Variants in KCNAB1 observed in about 807,000 individuals in gnomAD.
The protein encoded by KCNAB1 is potassium voltage-gated channel subfamily A regulatory beta subunit 1.
A neutral mutation model predicts 64.6 loss-of-function variants in KCNAB1; 35 were observed. The observed-to-expected ratio is 0.54, with a 90% confidence interval of 0.41 to 0.72. The LOEUF (loss-of-function observed/expected upper bound fraction) is 0.72, where lower values mean the gene tolerates loss of function less well. KCNAB1 is among the 30% of genes least tolerant of loss of function. The pLI is 0.00. For missense variants in KCNAB1, 401 were observed against 512.9 expected (o/e 0.78, Z 2.11); for synonymous variants, 177 against 183.8 (o/e 0.96, Z 0.30).
chr3:156,515,882 A>G (rs1166171955), intron 10 of KCNAB1, among the ~76,000 whole-genome samples: 1 of 152,206 alleles, frequency 6.6e-6, no homozygotes, highest in South Asian at 2.1e-4. Flanking sequence ...AAACTTCAAT[A>G]ACAACCGTAA....
chr3:156,406,597 C>A (rs1714264428), intron 1 of KCNAB1, among the ~76,000 whole-genome samples: 2 of 152,164 alleles, frequency 1.3e-5, no homozygotes, highest in Non-Finnish European at 2.9e-5. Flanking sequence ...TCCAGAGAAT[C>A]CTAGTGATGG....
chr3:156,309,355 G>A (rs1440000701), intron 1 of KCNAB1, among the ~76,000 whole-genome samples: 1 of 152,180 alleles, frequency 6.6e-6, no homozygotes, highest in Non-Finnish European at 1.5e-5. Context: ...TACCACAGAG[G>A]CCTCAGCCCT....
At chr3:156,472,464 T>G (rs1183766411) in intron 7 of KCNAB1, among the ~76,000 whole-genome samples, 1 of 152,186 alleles carries the variant, frequency 6.6e-6, no homozygotes, top group Non-Finnish European at 1.5e-5. Flanking sequence ...TCACACAGAA[T>G]CCAAAGTTCA....
chr3:156,283,674 C>G (rs1302285631), intron 1 of KCNAB1, among the ~76,000 whole-genome samples: 1 of 151,790 alleles, frequency 6.6e-6, no homozygotes, highest in East Asian at 1.9e-4. Context: ...TCTTTTTATT[C>G]TTTTTTCTCT....
At chr3:156,232,528 T>G (rs925040719) in intron 1 of KCNAB1, among the ~76,000 whole-genome samples, 11 of 152,228 alleles carry the variant, frequency 7.2e-5, no homozygotes, top group Non-Finnish European at 7.3e-5. Flanking sequence ...AACTACAGGC[T>G]TGGCCAAGAG....
At chr3:156,323,152 A>C (rs1722776414) in intron 1 of KCNAB1, among the ~76,000 whole-genome samples, 1 of 152,092 alleles carries the variant, frequency 6.6e-6, no homozygotes, top group African/African-American at 2.4e-5. Flanking sequence ...TAATTTTTTT[A>C]AGATTGGGGG....
chr3:156,353,994 T>C (rs997293259), intron 1 of KCNAB1, among the ~76,000 whole-genome samples: 3 of 151,278 alleles, frequency 2.0e-5, no homozygotes, highest in Admixed American at 1.3e-4. Context: ...TTTGGGGGCA[T>C]GTTAAAGGCC....
At chr3:156,535,749 TGCCCTAGTTAAG>T (rs1385119971) in intron 13 of KCNAB1, among the ~76,000 whole-genome samples, 2 of 152,178 alleles carry the variant, frequency 1.3e-5, no homozygotes, top group Non-Finnish European at 2.9e-5. Context: ...TCTGCTCCAC[TGCCCTAGTTAAG>T]GCCCTATTGC....
intron 1 of KCNAB1, among the ~76,000 whole-genome samples, chr3:156,353,954 C>T (rs150718864): frequency 2.0e-5 from 3 of 151,608 alleles, no homozygotes; most frequent in Non-Finnish European, 2.9e-5. Context: ...TTGTGTGACA[C>T]GTGATTAATG....
At chr3:156,325,133 A>G (rs1438604195) in intron 1 of KCNAB1, among the ~76,000 whole-genome samples, 1 of 152,182 alleles carries the variant, frequency 6.6e-6, no homozygotes, top group Non-Finnish European at 1.5e-5. Flanking sequence ...TCACAAAACC[A>G]TGTGAGGTGG....
intron 1 of KCNAB1, among the ~76,000 whole-genome samples, chr3:156,304,384 G>A (rs536589685): frequency 1.3e-5 from 2 of 152,262 alleles, no homozygotes; most frequent in Admixed American, 1.3e-4. Context: ...GCGATGTTAT[G>A]CCCATTTTAA....
At chr3:156,447,438 C>T (rs2108270472) in intron 2 of KCNAB1, among the ~76,000 whole-genome samples, 1 of 152,178 alleles carries the variant, frequency 6.6e-6, no homozygotes, top group East Asian at 1.9e-4. Flanking sequence ...ACACGGTAGA[C>T]TCAATAAATA....
At chr3:156,178,519 A>C (rs1462964712) in intron 1 of KCNAB1, among the ~76,000 whole-genome samples, 1 of 152,126 alleles carries the variant, frequency 6.6e-6, no homozygotes, top group Non-Finnish European at 1.5e-5. Context: ...AAATTGAAGA[A>C]AGGGAGCAGA....
Position 156,166,530 on chromosome 3 carries a change from T to TACAC in KCNAB1, c.275+45666_275+45669dup, listed in dbSNP as rs57754528. Among the ~76,000 whole-genome samples the TACAC allele has an allele frequency of 6.3e-3, 941 of 148,876 alleles. 8 individuals carry two copies. Among genetic ancestry groups the TACAC allele is most frequent in the African/African-American group, 0.021 (863 of 40,522 alleles). The stretch of plus-strand genomic sequence containing the variant: ...TAGACAAATTTAAAAAATACATATA[T>TACAC]ACACACACACACACACACACACACA... On this transcript the variant is annotated intron_variant, in intron 1 of 13. Coordinates refer to ENST00000490337, the MANE Select transcript of KCNAB1 (RefSeq NM_172160.3).
intron 5 of KCNAB1, among the ~76,000 whole-genome samples, chr3:156,462,448 A>G (rs1712992257): frequency 6.6e-6 from 1 of 152,232 alleles, no homozygotes; most frequent in Admixed American, 6.5e-5. Flanking sequence ...TATAATAGGT[A>G]TCATGAGGTT....
At chr3:156,152,501 A>T (rs1025036776) in intron 1 of KCNAB1, among the ~76,000 whole-genome samples, 4 of 152,200 alleles carry the variant, frequency 2.6e-5, no homozygotes, top group African/African-American at 7.2e-5. Flanking sequence ...GGGAGCTTTC[A>T]GAAAGATGCA....
intron 3 of KCNAB1, chr3:156,457,161 G>A (rs550034596): frequency 1.8e-6 from 2 of 1,135,430 alleles, no homozygotes; most frequent in Non-Finnish European, 2.2e-6. Flanking sequence ...CATAAAGAAT[G>A]TTGTCAAACC....
chr3:156,463,863 GT>G (rs397726486), intron 6 of KCNAB1, 117 bp downstream of exon 6: 784 of 572,142 alleles, frequency 1.4e-3, no homozygotes, highest in South Asian at 2.1e-3. Context: ...AGGGTTTTTT[GT>G]TTTTTTTTTG....
chr3:156,393,840 T>C (rs1713231921), intron 1 of KCNAB1, among the ~76,000 whole-genome samples: 1 of 152,230 alleles, frequency 6.6e-6, no homozygotes. Context: ...AATTGGAACC[T>C]GTCTTAAATT....
Sources: gnomAD v4.1 joint callset for allele counts (sites outside exome capture counted in the v4.1 genomes callset) on GRCh38, gnomAD v4.1.1 for gene constraint, MANE v1.5 for transcripts, NCBI Gene and HGNC (gene_info 2026-07-23, HGNC 2026-07-21) for gene names.